The following FAM193A variants were observed in gnomAD, a reference collection of about 807,000 sequenced individuals.
FAM193A encodes the protein family with sequence similarity 193 member A.
FAM193A carries 22 observed loss-of-function variants against 126.5 expected under a neutral mutation model. The observed-to-expected ratio is 0.17, with a 90% confidence interval of 0.12 to 0.25. The LOEUF (loss-of-function observed/expected upper bound fraction) is 0.25, where lower values mean the gene tolerates loss of function less well. FAM193A is among the 10% of genes least tolerant of loss of function. The pLI, the probability that FAM193A is intolerant of heterozygous loss-of-function variation, is 1.00. For synonymous variants in FAM193A, 761 were observed against 646.8 expected (o/e 1.18, Z -2.68); for missense variants, 1,675 against 1,672.8 (o/e 1.00, Z -0.02).
At chr4:2,702,564 C>T (rs1397873869) in intron 19 of FAM193A, among the ~76,000 whole-genome samples, 1 of 152,198 alleles carries the variant, frequency 6.6e-6, no homozygotes, top group Non-Finnish European at 1.5e-5. Flanking sequence ...CTGCCACCTA[C>T]ACACACTAAT....
At chr4:2,615,568 G>C (rs1422861792) in intron 2 of FAM193A, among the ~76,000 whole-genome samples, 1 of 152,078 alleles carries the variant, frequency 6.6e-6, no homozygotes, top group Non-Finnish European at 1.5e-5. Flanking sequence ...CACCAGGCTG[G>C]AGTGCAGTGG....
intron 20 of FAM193A, among the ~76,000 whole-genome samples, chr4:2,727,854 TTC>T (rs1366552319): frequency 2.6e-5 from 4 of 152,260 alleles, no homozygotes; most frequent in Admixed American, 1.3e-4. Context: ...GAAGTCTCAG[TTC>T]AGGCCGAAGT....
chr4:2,608,148 T>TA, intron 2 of FAM193A: 3 of 1,584,828 alleles, frequency 1.9e-6, no homozygotes, highest in Non-Finnish European at 2.6e-6. Flanking sequence ...AACCTGAAAA[T>TA]AAAAAAATAA....
intron 13 of FAM193A, among the ~76,000 whole-genome samples, chr4:2,680,878 G>T (rs918279084): frequency 1.3e-5 from 2 of 152,120 alleles, no homozygotes; most frequent in Admixed American, 6.5e-5. Context: ...CTGACCTCAG[G>T]TGATCCACCC....
At chr4:2,576,108 A>AT (rs71644340) in intron 1 of FAM193A, among the ~76,000 whole-genome samples, 4 of 151,746 alleles carry the variant, frequency 2.6e-5, no homozygotes, top group African/African-American at 9.7e-5. Context: ...TTATTTATTT[A>AT]TTTTTTGAGA....
intron 1 of FAM193A, among the ~76,000 whole-genome samples, chr4:2,569,915 T>C (rs140981957): frequency 6.6e-6 from 1 of 152,274 alleles, no homozygotes; most frequent in East Asian, 1.9e-4. Context: ...TTTATATATT[T>C]ATCTCTAGAA....
chr4:2,586,068 A>G (rs539866785), intron 1 of FAM193A, among the ~76,000 whole-genome samples: 5 of 151,754 alleles, frequency 3.3e-5, no homozygotes, highest in Admixed American at 3.3e-4. Context: ...ACATAGAGAA[A>G]CCCCATCTCT....
intron 2 of FAM193A, among the ~76,000 whole-genome samples, chr4:2,597,935 C>T (rs973650288): frequency 1.3e-5 from 2 of 151,924 alleles, no homozygotes; most frequent in African/African-American, 4.8e-5. Flanking sequence ...GACAGAGTCT[C>T]GCTCTGTCAC....
chr4:2,679,620 C>T (rs1714862547), intron 13 of FAM193A, among the ~76,000 whole-genome samples: 1 of 151,956 alleles, frequency 6.6e-6, no homozygotes, highest in East Asian at 1.9e-4. Flanking sequence ...TCAGGTGATC[C>T]ACCCGCCTCG....
intron 20 of FAM193A, among the ~76,000 whole-genome samples, chr4:2,728,669 T>TC (rs1331081734): frequency 6.6e-6 from 1 of 152,096 alleles, no homozygotes; most frequent in Non-Finnish European, 1.5e-5. Flanking sequence ...TGTCTGTGTG[T>TC]GTTGGCTTTG....
In FAM193A at chr4:2,555,649, G is replaced by A. The variant is rs1036734676; in HGVS notation, c.255+18479G>A. Among the ~76,000 whole-genome samples the A allele has an allele frequency of 3.3e-5, 5 of 152,024 alleles. 1 individual carries two copies. Among genetic ancestry groups the A allele is most frequent in the Non-Finnish European group, 7.4e-5 (5 of 67,984 alleles). ...TTTTTTGTTTTTGAGACAGAGTCTC[G>A]CTCTGTCACTCAGGCTGGAGTGCAG... On this transcript the variant is annotated intron_variant, in intron 1 of 20. Transcript: ENST00000637812.
At chr4:2,688,327 G>A (rs933151428) in intron 13 of FAM193A, among the ~76,000 whole-genome samples, 11 of 152,108 alleles carry the variant, frequency 7.2e-5, no homozygotes, top group Non-Finnish European at 1.3e-4. Context: ...GGGAAGGCTC[G>A]CCTTGGTCTT....
At chr4:2,619,460 G>C (rs1356660540) in intron 2 of FAM193A, among the ~76,000 whole-genome samples, 1 of 151,718 alleles carries the variant, frequency 6.6e-6, no homozygotes, top group Non-Finnish European at 1.5e-5. Context: ...GTGCCACCAT[G>C]CTAATTTTTG....
intron 1 of FAM193A, among the ~76,000 whole-genome samples, chr4:2,594,735 GAC>G (rs1006961386): frequency 4.0e-5 from 6 of 150,676 alleles, no homozygotes; most frequent in Non-Finnish European, 8.8e-5. Flanking sequence ...TGTCTCCCCC[GAC>G]ACACACACAC....
chr4:2,689,862 C>T (rs886810522), intron 14 of FAM193A, among the ~76,000 whole-genome samples, 158 bp downstream of exon 14: 1 of 152,248 alleles, frequency 6.6e-6, no homozygotes, highest in Non-Finnish European at 1.5e-5. Flanking sequence ...TGTCATCCTA[C>T]TCCATCCTCT....
chr4:2,619,971 G>A (rs919816557), intron 2 of FAM193A, among the ~76,000 whole-genome samples: 2 of 152,168 alleles, frequency 1.3e-5, no homozygotes, highest in Non-Finnish European at 2.9e-5. Flanking sequence ...GATTACAAGC[G>A]TGAGCCACTG....
chr4:2,556,499 C>T (rs1057189658), intron 1 of FAM193A, among the ~76,000 whole-genome samples: 1 of 152,150 alleles, frequency 6.6e-6, no homozygotes, highest in Non-Finnish European at 1.5e-5. Flanking sequence ...CCACCACGCC[C>T]GGCTGAGATA....
rs34029424 is a variant in FAM193A at position 2,728,896 on chromosome 4, CTTTTTTTT to C, written c.4455-2860_4455-2853del. Among the ~76,000 whole-genome samples the C allele has an allele frequency of 4.2e-3, 412 of 97,154 alleles. 4 individuals are homozygous for C. Among genetic ancestry groups the C allele is most frequent in the African/African-American group, 0.02 (381 of 19,304 alleles). 63.7% of individuals were successfully genotyped at this position (97,154 alleles called of 152,430 possible). The stretch of plus-strand genomic sequence containing the variant: ...AAGCAAATATGTTCCACCTCCAAAA[CTTTTTTTT>C]TTTTTTTTTTTTTTTTTTGGTGGGA... On this transcript the variant is annotated intron_variant, in intron 20 of 20. Transcript: ENST00000637812.
rs114517635 is a variant in FAM193A, at chr4:2,700,671, C to T, written c.4372+127C>T. ...GTGGCCTCCCTCCTGTAGAAAAGAG[C>T]GTAGAGGGGCCAGGCATGGTGGCTC... On this transcript the variant is annotated intron_variant, in intron 19 of 20. Transcript: ENST00000637812. 2,372 of 1,172,114 alleles carry T rather than the reference C, an allele frequency of 2.0e-3. 39 individuals are homozygous for T. In the African/African-American group the frequency reaches 0.032, roughly 16 times the overall value. 72.6% of individuals were successfully genotyped at this position (1,172,114 alleles called of 1,614,324 possible). A position where few individuals can be genotyped will look rare whatever the true frequency, so the allele number is the denominator to read the frequency against.
Sources: allele counts gnomAD v4.1 joint callset (sites outside exome capture counted in the v4.1 genomes callset), GRCh38; gene constraint gnomAD v4.1.1; transcripts MANE v1.5; gene names NCBI Gene and HGNC (gene_info 2026-07-23, HGNC 2026-07-21).